Variants in PEX7 observed in about 807,000 individuals in gnomAD.
PEX7 encodes PTS2 receptor.
In PEX7, 34 loss-of-function variants were observed where a neutral mutation model predicts 47.5. The observed-to-expected ratio is 0.72, with a 90% CI of 0.54 to 0.95. PEX7 has a LOEUF of 0.95. Among genes scored for constraint, PEX7 ranks in the 40% least tolerant of loss-of-function variants. The probability of loss-of-function intolerance (pLI) is 0.00; values close to 1 mark genes in which losing one functional copy is unlikely to be tolerated. For missense variants in PEX7, 394 were observed against 400.3 expected (o/e 0.98, Z 0.13); for synonymous variants, 141 against 148.8 (o/e 0.95, Z 0.38).
intron 5 of PEX7, among the ~76,000 whole-genome samples, chr6:136,864,107 A>G (rs1423648917): frequency 6.6e-6 from 1 of 152,062 alleles, no homozygotes; most frequent in Non-Finnish European, 1.5e-5. Context: ...TTTGTATAGT[A>G]CTATATTCCT....
chr6:136,860,409 CTTTTTTTTTT>C (rs386408726), intron 5 of PEX7, among the ~76,000 whole-genome samples: 4 of 113,952 alleles, frequency 3.5e-5, no homozygotes, highest in African/African-American at 1.0e-4. Flanking sequence ...AGCCATGGCT[CTTTTTTTTTT>C]TTTTTTTTTT....
At chr6:136,864,853 C>T (rs76677227) in intron 5 of PEX7, among the ~76,000 whole-genome samples, 3,661 of 152,242 alleles carry the variant, frequency 0.024, 61 homozygotes, top group Middle Eastern at 0.068. Flanking sequence ...AGAGATATTA[C>T]GTATCCTATG....
At chr6:136,871,978 T>C (rs1235672815) in intron 7 of PEX7, among the ~76,000 whole-genome samples, 4 of 133,346 alleles carry the variant, frequency 3.0e-5, no homozygotes, top group African/African-American at 7.6e-5. Context: ...ATAATTTTCT[T>C]TGGAGAATGT....
At chr6:136,839,981 T>G (rs1165901200) in intron 3 of PEX7, among the ~76,000 whole-genome samples, 1 of 151,978 alleles carries the variant, frequency 6.6e-6, no homozygotes, top group Non-Finnish European at 1.5e-5. Context: ...AGGGCATCCT[T>G]TGGTCTAAAG....
At chr6:136,862,058 T>TTA (rs1491473219) in intron 5 of PEX7, among the ~76,000 whole-genome samples, 15 of 143,526 alleles carry the variant, frequency 1.0e-4, no homozygotes, top group South Asian at 2.1e-4. Context: ...TATATATATA[T>TTA]TATATATATA....
At chr6:136,872,108 A>T (rs149563404) in intron 7 of PEX7, 90 bp from the exon 8 acceptor site, 8 of 1,135,998 alleles carry the variant, frequency 7.0e-6, no homozygotes, top group African/African-American at 4.7e-5. Flanking sequence ...ACTTAAATTT[A>T]TTATAATGTT....
intron 5 of PEX7, among the ~76,000 whole-genome samples, chr6:136,857,641 T>C (rs1290569032): frequency 2.0e-5 from 3 of 151,866 alleles, no homozygotes; most frequent in African/African-American, 4.8e-5. Flanking sequence ...CAAGTTCTAC[T>C]TTCCTGCTGT....
chr6:136,877,501 G>A (rs1314775325), intron 8 of PEX7, among the ~76,000 whole-genome samples: 1 of 152,152 alleles, frequency 6.6e-6, no homozygotes, highest in Non-Finnish European at 1.5e-5. Flanking sequence ...TAAGGTGTAA[G>A]GAAGGTGTCC....
intron 1 of PEX7, among the ~76,000 whole-genome samples, chr6:136,823,759 G>A (rs1203015649): frequency 2.6e-5 from 4 of 152,214 alleles, no homozygotes; most frequent in East Asian, 1.9e-4. Flanking sequence ...GCGTGGTGGC[G>A]CATGCCTGTA....
At chr6:136,844,595 C>A (rs2115168594) in intron 3 of PEX7, among the ~76,000 whole-genome samples, 1 of 152,204 alleles carries the variant, frequency 6.6e-6, no homozygotes, top group East Asian at 1.9e-4. Flanking sequence ...CATTGAATCT[C>A]TAGAAATTAT....
At chr6:136,883,593 T>C (rs746111451) in intron 8 of PEX7, among the ~76,000 whole-genome samples, 1 of 152,218 alleles carries the variant, frequency 6.6e-6, no homozygotes, top group Non-Finnish European at 1.5e-5. Flanking sequence ...CCCTTAAACT[T>C]GGTCGTCTCC....
chr6:136,826,225 T>A (rs1245617412), intron 2 of PEX7, 94 bp from the exon 3 acceptor site: 2 of 1,382,934 alleles, frequency 1.4e-6, no homozygotes, highest in Non-Finnish European at 2.0e-6. Context: ...TGTGATAAAT[T>A]GAAAGAAAAA....
intron 5 of PEX7, among the ~76,000 whole-genome samples, chr6:136,852,847 C>T (rs376777155): frequency 1.1e-4 from 9 of 84,016 alleles, no homozygotes; most frequent in Admixed American, 2.9e-4. Flanking sequence ...GAGCCCGCAT[C>T]GCCAAGTCAA....
intron 5 of PEX7, among the ~76,000 whole-genome samples, chr6:136,850,775 A>G (rs1003176134): frequency 6.6e-6 from 1 of 152,182 alleles, no homozygotes; most frequent in African/African-American, 2.4e-5. Flanking sequence ...CTCTGGCCTC[A>G]TGAATAAAAA....
intron 9 of PEX7, among the ~76,000 whole-genome samples, chr6:136,911,082 C>A (rs367581783): frequency 1.8e-4 from 28 of 152,172 alleles, no homozygotes; most frequent in African/African-American, 6.7e-4. Context: ...CACATCATCC[C>A]AGTTATTGGA....
At chr6:136,845,794 C>T (rs891992004) in intron 4 of PEX7, 102 bp downstream of exon 4, 27 of 813,072 alleles carry the variant, frequency 3.3e-5, no homozygotes, top group African/African-American at 1.0e-4. Context: ...CTCTATGATT[C>T]GACAGCTGAG....
intron 1 of PEX7, among the ~76,000 whole-genome samples, chr6:136,824,417 G>T (rs1453180313): frequency 6.6e-6 from 1 of 152,006 alleles, no homozygotes; most frequent in Non-Finnish European, 1.5e-5. Flanking sequence ...TGTTGCCCAG[G>T]CTGGTCCGGA....
At chr6:136,846,249 T>G (rs1774598662) in intron 5 of PEX7, 68 bp downstream of exon 5, 1 of 869,328 alleles carries the variant, frequency 1.2e-6, no homozygotes, top group East Asian at 2.5e-5. Flanking sequence ...TACCATTAGG[T>G]GGCGCTGTGT....
intron 3 of PEX7, among the ~76,000 whole-genome samples, chr6:136,828,728 T>C (rs1442344794): frequency 2.0e-5 from 3 of 152,232 alleles, no homozygotes; most frequent in Non-Finnish European, 4.4e-5. Flanking sequence ...AGGGCTAAGC[T>C]TTATAAGATT....
Sources: allele counts gnomAD v4.1 joint callset (sites outside exome capture counted in the v4.1 genomes callset), GRCh38; gene constraint gnomAD v4.1.1; transcripts MANE v1.5; gene names NCBI Gene and HGNC (gene_info 2026-07-23, HGNC 2026-07-21).